Variants in ABL1 observed in about 807,000 individuals in gnomAD.
ABL1 encodes ABL proto-oncogene 1, non-receptor tyrosine kinase, also known as tyrosine-protein kinase ABL1.
A neutral mutation model predicts 94.7 loss-of-function variants in ABL1; 11 were observed. The observed-to-expected ratio is 0.12, with a 90% CI of 0.07 to 0.19. The LOEUF is 0.19. ABL1 is among the 10% of genes least tolerant of loss of function. ABL1 has a pLI of 1.00. For missense variants in ABL1, 1,082 were observed against 1,489.4 expected, an observed-to-expected ratio of 0.73 and a Z score of 4.50; for synonymous variants, 656 against 622.4, an observed-to-expected ratio of 1.05 and a Z score of -0.80.
intron 1 of ABL1, among the ~76,000 whole-genome samples, chr9:130,796,720 A>T (rs1468006367): frequency 1.3e-5 from 2 of 152,118 alleles, no homozygotes; most frequent in East Asian, 3.9e-4. Flanking sequence ...CACAGGTAAA[A>T]AAATAAATAA....
At chr9:130,836,160 G>C (rs1199598628) in intron 1 of ABL1, among the ~76,000 whole-genome samples, 1 of 152,192 alleles carries the variant, frequency 6.6e-6, no homozygotes, top group Non-Finnish European at 1.5e-5. Context: ...TCTCTTTTCA[G>C]GGGAGGGGAG....
At chr9:130,836,824 C>CAAA (rs565723193) in intron 1 of ABL1, among the ~76,000 whole-genome samples, 36 of 76,966 alleles carry the variant, frequency 4.7e-4, no homozygotes, top group African/African-American at 8.5e-4. Flanking sequence ...GACTCGGTCT[C>CAAA]AAAAAAAAAA....
chr9:130,762,035 T>C (rs1163681832), intron 1 of ABL1, among the ~76,000 whole-genome samples: 2 of 151,232 alleles, frequency 1.3e-5, no homozygotes, highest in Non-Finnish European at 1.5e-5. Context: ...CCCAGCTACT[T>C]GGGAGGCTGA....
rs1830949057 is a variant in ABL1 at position 130,854,934 on chromosome 9, T to C, written c.387T>C (p.His129=). Residue 129 remains histidine (H), a synonymous_variant, in exon 3 of 11, where the codon CAT becomes CAC. Transcript: ENST00000318560. ...GTCTGGAGAAACACTCCTGGTACCA[T>C]GGGCCTGTGTCCCGCAATGCCGCTG... is the stretch of plus-strand genomic sequence containing the variant. ...VNSLEKHSWY[H]GPVSRNAAEY... is the part of the protein sequence containing the mutation. 6.2e-7 allele frequency: 1 copy of C among 1,614,072 alleles called. No individual in the cohort carries two copies. Among genetic ancestry groups the C allele is most frequent in the African/African-American group, 1.3e-5 (1 of 74,920 alleles).
Position 130,714,448 on chromosome 9 carries a change from GGAACATGGTGA to G in ABL1, c.131_136+5del. The G allele has an allele frequency of 6.2e-7, 1 of 1,614,142 alleles. No homozygotes were observed. On this transcript the variant is annotated splice_donor_variant and splice_donor_region_variant and coding_sequence_variant and intron_variant, in exon 1 of 11. Transcript: ENST00000372348. LOFTEE classifies it high-confidence loss of function. ...GGGGTCCACACTGCAATGTTTTTGTGGAACATGGTGAGTGCTTTTCAAAATTTCTGCTCATG... is the reference window on the plus strand; with the variant it reads ...GGGGTCCACACTGCAATGTTTTTGTGGTGCTTTTCAAAATTTCTGCTCATG...
intron 1 of ABL1, among the ~76,000 whole-genome samples, chr9:130,739,155 A>G (rs1048671028): frequency 1.3e-5 from 2 of 152,054 alleles, no homozygotes; most frequent in African/African-American, 4.8e-5. Context: ...CAGCTTCCCA[A>G]AGTGCTGGGA....
intron 1 of ABL1, among the ~76,000 whole-genome samples, chr9:130,809,411 AGAGAGAGTGTGTGT>A (rs1477613018): frequency 2.6e-5 from 3 of 116,968 alleles, no homozygotes; most frequent in African/African-American, 9.6e-5. Flanking sequence ...AGAGAGAGAG[AGAGAGAGTGTGTGT>A]GTGTGTGTGT....
At position 130,863,435 on chromosome 9, in the gene ABL1, G is replaced by T. The variant is rs559650118; in HGVS notation, c.822+400G>T. Reference sequence around the variant, plus strand: ...TTTTGAAAGAAGATTTAACCAAAATGCATTTGACTCTTCTGTGGATTTTTG... The same window carrying T: ...TTTTGAAAGAAGATTTAACCAAAATTCATTTGACTCTTCTGTGGATTTTTG... On this transcript the variant is annotated intron_variant, in intron 4 of 10. Coordinates refer to ENST00000318560, the MANE Select transcript of ABL1 (RefSeq NM_005157.6). The surrounding 1 kb of genome is among the most constrained non-coding windows in gnomAD (Gnocchi z 4.3). Among the ~76,000 whole-genome samples the T allele has an allele frequency of 1.3e-5, 2 of 152,186 alleles. No individual in the cohort carries two copies. Among genetic ancestry groups the T allele is most frequent in the Non-Finnish European group, 2.9e-5 (2 of 68,020 alleles).
intron 1 of ABL1, among the ~76,000 whole-genome samples, chr9:130,771,104 G>A (rs943366513): frequency 2.0e-5 from 3 of 152,200 alleles, no homozygotes; most frequent in African/African-American, 7.2e-5. Context: ...ATTGGGATCT[G>A]TATTAAAAGT....
chr9:130,714,303 G>C, exon 1 of ABL1: 1 of 1,577,404 alleles, frequency 6.3e-7, no homozygotes, highest in Non-Finnish European at 8.6e-7. Context: ...CTGGAAAGGG[G>C]TACCTATTAT....
At chr9:130,779,046 G>T (rs35604447) in intron 1 of ABL1, among the ~76,000 whole-genome samples, 1,957 of 152,284 alleles carry the variant, frequency 0.013, 49 homozygotes, top group African/African-American at 0.045. Flanking sequence ...CGAGAATTAG[G>T]ATAAGTGAGA....
At chr9:130,774,599 G>A (rs1043691887) in intron 1 of ABL1, among the ~76,000 whole-genome samples, 5 of 152,118 alleles carry the variant, frequency 3.3e-5, no homozygotes, top group Non-Finnish European at 5.9e-5. Flanking sequence ...TGAGGTGGGC[G>A]GATTGCCTGA....
chr9:130,852,324 G>A (rs1288282090), intron 1 of ABL1, among the ~76,000 whole-genome samples: 2 of 152,018 alleles, frequency 1.3e-5, no homozygotes, highest in Admixed American at 6.6e-5. Context: ...TGAGTAGCTG[G>A]GACTAGTAGC....
chr9:130,737,415 G>A (rs943484405), intron 1 of ABL1, among the ~76,000 whole-genome samples: 9 of 151,908 alleles, frequency 5.9e-5, no homozygotes, highest in East Asian at 1.9e-4. Context: ...CTACACGTGT[G>A]CACTACCACA....
chr9:130,804,472 TAC>T (rs1192381623), intron 1 of ABL1, among the ~76,000 whole-genome samples: 3 of 152,102 alleles, frequency 2.0e-5, no homozygotes, highest in African/African-American at 7.2e-5. Context: ...TAATCCCAGC[TAC>T]TTAGGAGGCT....
intron 1 of ABL1, among the ~76,000 whole-genome samples, chr9:130,823,619 A>C (rs34929305): frequency 2.5e-3 from 376 of 152,210 alleles, no homozygotes; most frequent in Non-Finnish European, 3.9e-3. Context: ...ATGGCCCCTC[A>C]CAGGCAGTGG....
At chr9:130,775,750 A>T (rs1261660765) in intron 1 of ABL1, among the ~76,000 whole-genome samples, 1 of 152,018 alleles carries the variant, frequency 6.6e-6, no homozygotes, top group Non-Finnish European at 1.5e-5. Context: ...GTGGAATTAA[A>T]AAAAAAAAGT....
At position 130,826,088 on chromosome 9, in the gene ABL1, C is replaced by T. The variant is rs181302179; in HGVS notation, c.137-27976C>T. Among the ~76,000 whole-genome samples the T allele has an allele frequency of 3.7e-4, 57 of 152,194 alleles. No homozygotes were observed. In the East Asian group the frequency reaches 0.01, roughly 27 times the overall value. On this transcript the variant is annotated intron_variant, in intron 1 of 10. Coordinates refer to the ABL1 transcript ENST00000372348. ...ACCTAGGGCAAGTTATATAACCTAT[C>T]TGTGTCACAGTTGTCTGAAATGCAA...
At chr9:130,774,286 C>T (rs1832287091) in intron 1 of ABL1, among the ~76,000 whole-genome samples, 1 of 152,074 alleles carries the variant, frequency 6.6e-6, no homozygotes, top group African/African-American at 2.4e-5. Flanking sequence ...ATGAGCAAAG[C>T]TTTGTGTGGA....
Sources: allele counts gnomAD v4.1 joint callset (sites outside exome capture counted in the v4.1 genomes callset), GRCh38; gene constraint gnomAD v4.1.1; non-coding constraint Gnocchi (gnomAD v3.1); transcripts MANE v1.5; gene names NCBI Gene and HGNC (gene_info 2026-07-23, HGNC 2026-07-21).